PSMD11: variants seen among roughly 807,000 people sequenced by gnomAD.
The protein encoded by PSMD11 is 26S proteasome non-ATPase regulatory subunit 11.
PSMD11 carries 5 observed loss-of-function variants against 62.3 expected under a neutral mutation model. That is an observed-to-expected ratio of 0.08 (90% CI 0.04 to 0.17). PSMD11 has a LOEUF of 0.17. Ranked by LOEUF, PSMD11 falls within the 10% of genes least tolerant of loss-of-function variation. The pLI, the probability that PSMD11 is intolerant of heterozygous loss-of-function variation, is 1.00. For missense variants in PSMD11, 310 were observed against 512.9 expected, an observed-to-expected ratio of 0.60 and a Z score of 3.82; for synonymous variants, 191 against 191.8, an observed-to-expected ratio of 1.00 and a Z score of 0.03.
intron 3 of PSMD11, among the ~76,000 whole-genome samples, chr17:32,458,102 G>C (rs186887654): frequency 6.6e-6 from 1 of 152,040 alleles, no homozygotes; most frequent in African/African-American, 2.4e-5. Context: ...CCCAGCTGTG[G>C]TCTCTCTTTA....
intron 3 of PSMD11, among the ~76,000 whole-genome samples, chr17:32,459,349 A>T (rs2150832548): frequency 6.6e-6 from 1 of 151,386 alleles, no homozygotes; most frequent in South Asian, 2.1e-4. Flanking sequence ...CTCCCAAATA[A>T]CTGGGAGTAC....
At chr17:32,462,202 A>G (rs1277815317) in intron 3 of PSMD11, among the ~76,000 whole-genome samples, 2 of 152,186 alleles carry the variant, frequency 1.3e-5, no homozygotes, top group African/African-American at 4.8e-5. Flanking sequence ...GAATATTTCT[A>G]AGTCCTAGGT....
intron 8 of PSMD11, among the ~76,000 whole-genome samples, chr17:32,475,523 G>C (rs890322170): frequency 6.6e-6 from 1 of 151,400 alleles, no homozygotes. Flanking sequence ...CTGATTGGCT[G>C]TCTATATAAT....
At chr17:32,463,872 G>A (rs567697506) in intron 3 of PSMD11, among the ~76,000 whole-genome samples, 177 bp from the exon 4 acceptor site, 78 of 152,282 alleles carry the variant, frequency 5.1e-4, no homozygotes, top group African/African-American at 1.8e-3. Context: ...TGTGTAAAAA[G>A]CCAAGTTGAT....
chr17:32,480,557 G>C lies in PSMD11; in HGVS notation c.1195G>C (p.Ala399Pro). Residue 399 changes from alanine to proline, a missense_variant, in exon 13 of 14, where the codon GCT (alanine) becomes CCT (proline). Transcript: ENST00000261712. ...DEPPVDKTYE[A>P]ALETIQNMSK... ...ACCCCCAGTAGATAAAACTTACGAA[G>C]CTGCTCTGGAAACAATTCAGAACAT... is the stretch of plus-strand genomic sequence containing the variant. The C allele has an allele frequency of 6.2e-7, 1 of 1,614,086 alleles. No homozygotes were observed. Among genetic ancestry groups the C allele is most frequent in the Non-Finnish European group, 8.5e-7 (1 of 1,179,940 alleles).
chr17:32,449,373 C>G (rs1167438137), intron 2 of PSMD11, among the ~76,000 whole-genome samples: 2 of 152,142 alleles, frequency 1.3e-5, no homozygotes, highest in African/African-American at 4.8e-5. Context: ...CTGCCGTGCT[C>G]TAGCCTGGGT....
At chr17:32,468,285 G>A (rs1908055958) in intron 5 of PSMD11, among the ~76,000 whole-genome samples, 1 of 151,846 alleles carries the variant, frequency 6.6e-6, no homozygotes, top group African/African-American at 2.4e-5. Context: ...TTGTTCTGTG[G>A]GTTGTTTTTT....
intron 2 of PSMD11, among the ~76,000 whole-genome samples, chr17:32,449,915 A>G (rs1041276129): frequency 6.6e-6 from 1 of 152,228 alleles, no homozygotes; most frequent in African/African-American, 2.4e-5. Flanking sequence ...CTGGCCAACA[A>G]AAATCACTTG....
intron 2 of PSMD11, among the ~76,000 whole-genome samples, chr17:32,451,728 C>G (rs1907505246): frequency 6.8e-6 from 1 of 146,392 alleles, no homozygotes; most frequent in Non-Finnish European, 1.5e-5. Flanking sequence ...CACCTTAGTT[C>G]TCTCTGTTTT....
At chr17:32,473,688 A>G in intron 6 of PSMD11, 113 bp from the exon 7 acceptor site, 1 of 1,039,914 alleles carries the variant, frequency 9.6e-7, no homozygotes, top group Non-Finnish European at 1.4e-6. Context: ...GTGTGGATTT[A>G]CAGGTGTGAG....
At position 32,480,941 on chromosome 17, in the gene PSMD11, C is replaced by A; in HGVS notation, c.*189C>A. 4.0e-6 allele frequency: 1 copy of A among 251,492 alleles called. No homozygotes were observed. The highest frequency in any genetic ancestry group is 7.4e-6 in the Non-Finnish European group (1 of 134,646). The allele number at this position is 251,492 out of a possible 1,614,324, so 15.6% of individuals were successfully genotyped here. A position where few individuals can be genotyped will look rare whatever the true frequency, so the allele number is the denominator to read the frequency against. ...TTTCATGTAATCTTTACTGGCCCAA[C>A]TTGGGAGTGGGGAAATTGCTTAAAA... On this transcript the variant is annotated 3_prime_UTR_variant, in exon 14 of 14. Coordinates refer to ENST00000261712, the MANE Select transcript of PSMD11 (RefSeq NM_002815.4).
At chr17:32,461,780 A>G (rs1342402569) in intron 3 of PSMD11, among the ~76,000 whole-genome samples, 1 of 152,218 alleles carries the variant, frequency 6.6e-6, no homozygotes, top group Non-Finnish European at 1.5e-5. Flanking sequence ...TTAACCGATT[A>G]GTAGTCCTTA....
At chr17:32,468,265 T>G (rs572195649) in intron 5 of PSMD11, among the ~76,000 whole-genome samples, 1 of 148,316 alleles carries the variant, frequency 6.7e-6, no homozygotes, top group African/African-American at 2.6e-5. Context: ...GATTTGCAAT[T>G]TTTTTTTCTT....
At chr17:32,458,305 A>G (rs1414366541) in intron 3 of PSMD11, among the ~76,000 whole-genome samples, 1 of 152,168 alleles carries the variant, frequency 6.6e-6, no homozygotes, top group Non-Finnish European at 1.5e-5. Flanking sequence ...TTTCTATAAT[A>G]CAACCTACTG....
At chr17:32,454,994 T>A (rs1353905253) in intron 3 of PSMD11, 1 of 203,792 alleles carries the variant, frequency 4.9e-6, no homozygotes, top group Non-Finnish European at 1.0e-5. Context: ...TTAGCATGTT[T>A]TGTACTGCAT....
chr17:32,454,687 A>G lies in PSMD11; in HGVS notation c.318+68A>G. 7 of 1,540,662 alleles carry G rather than the reference A, an allele frequency of 4.5e-6. No individual in the cohort carries two copies. In the South Asian group the frequency reaches 5.8e-5, roughly 13 times the overall value. ...GTTTGTTTCCAAGAAAGAAATGCCT[A>G]CCTGCACTTTAGTACTAATGTGGAA... On this transcript the variant is annotated intron_variant, in intron 3 of 13. Coordinates refer to ENST00000261712, the MANE Select transcript of PSMD11 (RefSeq NM_002815.4).
At chr17:32,469,464 C>T (rs1245966798) in intron 6 of PSMD11, among the ~76,000 whole-genome samples, 1 of 152,220 alleles carries the variant, frequency 6.6e-6, no homozygotes, top group Non-Finnish European at 1.5e-5. Flanking sequence ...ACTCCCTTAG[C>T]TCTTAGCCAC....
intron 5 of PSMD11, among the ~76,000 whole-genome samples, chr17:32,464,943 C>T (rs1212667019): frequency 6.6e-6 from 1 of 151,924 alleles, no homozygotes; most frequent in Non-Finnish European, 1.5e-5. Context: ...GCTTACTGTC[C>T]TATTTACTAT....
intron 2 of PSMD11, 33 bp downstream of exon 2, chr17:32,447,079 C>G: frequency 6.7e-7 from 1 of 1,489,578 alleles, no homozygotes; most frequent in Non-Finnish European, 9.2e-7. Context: ...ATCTGAAATG[C>G]TCAGTGAAAT....
Sources: gnomAD v4.1 joint callset for allele counts (sites outside exome capture counted in the v4.1 genomes callset) on GRCh38, gnomAD v4.1.1 for gene constraint, MANE v1.5 for transcripts, NCBI Gene and HGNC (gene_info 2026-07-23, HGNC 2026-07-21) for gene names.